The following MLXIPL variants were observed in gnomAD, a reference collection of about 807,000 sequenced individuals.
MLXIPL encodes carbohydrate-responsive element-binding protein.
A neutral mutation model predicts 81.5 loss-of-function variants in MLXIPL; 49 were observed. The ratio of observed to expected loss-of-function variants is 0.60; its 90% confidence interval spans 0.48 to 0.76. MLXIPL has a LOEUF of 0.76. Among genes scored for constraint, MLXIPL ranks in the 30% least tolerant of loss-of-function variants. MLXIPL has a pLI of 0.00. For missense variants in MLXIPL, 1,053 were observed against 1,167.0 expected (o/e 0.90, Z 1.42); for synonymous variants, 466 against 485.5 (o/e 0.96, Z 0.53).
intron 2 of MLXIPL, among the ~76,000 whole-genome samples, chr7:73,612,642 C>CAA (rs11343007): frequency 1.8e-5 from 2 of 113,056 alleles, no homozygotes; most frequent in East Asian, 2.7e-4. Flanking sequence ...ACCCCCATCT[C>CAA]AAAAAAAAAA....
chr7:73,620,387 C>T (rs1301437720), intron 1 of MLXIPL, among the ~76,000 whole-genome samples: 1 of 151,500 alleles, frequency 6.6e-6, no homozygotes, highest in Non-Finnish European at 1.5e-5. Flanking sequence ...TTGAGTGTCA[C>T]AGCGAGACTC....
At chr7:73,622,999 G>T (rs1038364912) in intron 1 of MLXIPL, among the ~76,000 whole-genome samples, 4 of 152,168 alleles carry the variant, frequency 2.6e-5, no homozygotes, top group Non-Finnish European at 4.4e-5. Context: ...TTTGGGGAGG[G>T]AGGGAGAAGG....
chr7:73,600,070 G>A (rs1385625842), intron 7 of MLXIPL, among the ~76,000 whole-genome samples: 9 of 151,840 alleles, frequency 5.9e-5, no homozygotes, highest in South Asian at 2.1e-4. Context: ...TGCCCAGAGC[G>A]AGTGCCAGGG....
At chr7:73,627,831 C>T (rs1441045645), upstream of MLXIPL, among the ~76,000 whole-genome samples, 1 of 151,988 alleles carries the variant, frequency 6.6e-6, no homozygotes, top group African/African-American at 2.4e-5. Flanking sequence ...CCTCCTGGCT[C>T]CGGGGACCCT....
At chr7:73,595,800 G>C in intron 14 of MLXIPL, 40 bp from the exon 15 acceptor site, 1 of 1,581,330 alleles carries the variant, frequency 6.3e-7, no homozygotes, top group Non-Finnish European at 8.6e-7. Flanking sequence ...GGGTAAGGCG[G>C]CATGGCCCCC....
At chr7:73,607,080 CAA>C (rs1219564801) in intron 4 of MLXIPL, 62 bp from the exon 5 acceptor site, 5 of 1,583,560 alleles carry the variant, frequency 3.2e-6, no homozygotes, top group Non-Finnish European at 4.3e-6. Flanking sequence ...ACTTTCCCCC[CAA>C]AGTCTCCTCT....
chr7:73,626,021 T>C (rs1226459986), upstream of MLXIPL, among the ~76,000 whole-genome samples: 1 of 152,170 alleles, frequency 6.6e-6, no homozygotes, highest in African/African-American at 2.4e-5. Flanking sequence ...TTTATTGTTT[T>C]GAGACGGAGG....
chr7:73,622,424 G>T (rs1361985200), intron 1 of MLXIPL, among the ~76,000 whole-genome samples: 1 of 151,930 alleles, frequency 6.6e-6, no homozygotes, highest in East Asian at 1.9e-4. Context: ...GGAAGGCAGA[G>T]GTTGCAGTGA....
At position 73,593,808 on chromosome 7, in the gene MLXIPL, G is replaced by T; in HGVS notation, c.*57C>A. ...TGCCCAGAGATGATCCCTGGAGCCC[G>T]TGCCCAGGGAAAGCAGCCCCCAGGG... On this transcript the variant is annotated 3_prime_UTR_variant, in exon 17 of 17. Transcript: ENST00000313375. The T allele has an allele frequency of 7.0e-7, 1 of 1,427,964 alleles. No individual in the cohort carries two copies. The highest frequency in any genetic ancestry group is 9.9e-7 in the Non-Finnish European group (1 of 1,011,504). 88.5% of individuals were successfully genotyped at this position (1,427,964 alleles called of 1,614,324 possible).
chr7:73,640,405 A>G, the MLXIPL span, among the ~76,000 whole-genome samples: 1 of 149,312 alleles, frequency 6.7e-6, no homozygotes, highest in African/African-American at 2.4e-5. Flanking sequence ...CTGTCTCCAA[A>G]AAAAAAAAAA....
At chr7:73,639,625 T>C in the MLXIPL span, among the ~76,000 whole-genome samples, 1 of 150,020 alleles carries the variant, frequency 6.7e-6, no homozygotes, top group Admixed American at 6.7e-5. Context: ...AAAAAAAAAA[T>C]GGAGATAATA....
At chr7:73,639,860 C>T in the MLXIPL span, among the ~76,000 whole-genome samples, 1 of 149,410 alleles carries the variant, frequency 6.7e-6, no homozygotes, top group Admixed American at 6.7e-5. Flanking sequence ...AGATCAAGAC[C>T]ATCCTGGCTA....
At position 73,624,427 on chromosome 7, in the gene MLXIPL, G is replaced by A; in HGVS notation, c.66C>T (p.Asp22=). Residue 22 remains aspartate, a synonymous_variant, in exon 1 of 17, where the codon GAC becomes GAT. Coordinates refer to ENST00000313375, the MANE Select transcript of MLXIPL (RefSeq NM_032951.3). The stretch of plus-strand genomic sequence containing the variant: ...CCTCCGAGTCTGTGTCCGAGTCCGA[G>A]TCTGGGCTGGGCGCGACCCGCGGGA... ...LQVPRVAPSP[D]SDSDTDSEDP... 2 of 1,562,154 alleles carry A rather than the reference G, an allele frequency of 1.3e-6. No individual in the cohort carries two copies. Among genetic ancestry groups the A allele is most frequent in the East Asian group, 2.4e-5 (1 of 42,202 alleles).
At chr7:73,595,790 G>A in intron 14 of MLXIPL, 30 bp from the exon 15 acceptor site, 4 of 1,579,570 alleles carry the variant, frequency 2.5e-6, no homozygotes, top group Non-Finnish European at 3.4e-6. Context: ...CAGGGGCTGG[G>A]GGTAAGGCGG....
intron 7 of MLXIPL, among the ~76,000 whole-genome samples, chr7:73,604,700 G>A (rs1297673543): frequency 1.3e-5 from 2 of 152,204 alleles, no homozygotes; most frequent in Non-Finnish European, 2.9e-5. Flanking sequence ...GGAGGTTTTT[G>A]CTGAGCTACT....
chr7:73,607,270 G>T, intron 4 of MLXIPL, 61 bp downstream of exon 4: 1 of 1,488,646 alleles, frequency 6.7e-7, no homozygotes, highest in African/African-American at 1.4e-5. Flanking sequence ...TTCCGAGGCG[G>T]GCGGTAGCCG....
Position 73,624,289 on chromosome 7 carries a change from C to G in MLXIPL, c.204G>C (p.Gln68His), listed in dbSNP as rs782050362. ...HSDSLPRRRD[Q>H]EGSVGPSDFG... The stretch of plus-strand genomic sequence containing the variant: ...AGTCGGAGGGCCCCACGGACCCCTC[C>G]TGGTCGCGCCGCCGGGGCAGCGAGT... The change falls in exon 1 of 17, where the codon CAG becomes CAC. Residue 68 changes from glutamine to histidine, a missense_variant. Transcript: ENST00000313375. The G allele has an allele frequency of 2.5e-6, 4 of 1,586,748 alleles. No individual in the cohort carries two copies. In the Admixed American group the frequency reaches 7.2e-5, roughly 28 times the overall value.
chr7:73,594,904 G>A (rs1383028211), intron 15 of MLXIPL, among the ~76,000 whole-genome samples: 1 of 147,594 alleles, frequency 6.8e-6, no homozygotes, highest in Non-Finnish European at 1.5e-5. Context: ...GGAATGCAGT[G>A]GCACAATCTT....
In MLXIPL at chr7:73,616,188, G is replaced by C. The variant is rs782287726; in HGVS notation, c.294-11C>G. 27 of 1,605,272 alleles carry C rather than the reference G, an allele frequency of 1.7e-5. No individual in the cohort carries two copies. In the South Asian group the frequency reaches 2.4e-4, roughly 14 times the overall value. ...GACACCAGCTTGCCACTGTCAAAGGGGAGAGGAGTAGGGTTAGGGAGATGC... is the reference window on the plus strand; with the variant it reads ...GACACCAGCTTGCCACTGTCAAAGGCGAGAGGAGTAGGGTTAGGGAGATGC... On this transcript the variant is annotated splice_polypyrimidine_tract_variant and intron_variant, in intron 1 of 16. Coordinates refer to ENST00000313375, the MANE Select transcript of MLXIPL (RefSeq NM_032951.3).
Sources: gnomAD v4.1 joint callset for allele counts (sites outside exome capture counted in the v4.1 genomes callset) on GRCh38, gnomAD v4.1.1 for gene constraint, MANE v1.5 for transcripts, NCBI Gene and HGNC (gene_info 2026-07-23, HGNC 2026-07-21) for gene names.